EYA2: variants seen among roughly 807,000 people sequenced by gnomAD.
The protein encoded by EYA2 is protein phosphatase EYA2.
A neutral mutation model predicts 69.2 loss-of-function variants in EYA2; 31 were observed. The ratio of observed to expected loss-of-function variants is 0.45; its 90% CI spans 0.34 to 0.60. EYA2 has a LOEUF of 0.60. EYA2 is among the 20% of genes least tolerant of loss of function. The pLI, the probability that EYA2 is intolerant of heterozygous loss-of-function variation, is 0.02. For missense variants in EYA2, 622 were observed against 701.2 expected, an observed-to-expected ratio of 0.89 and a Z score of 1.28; for synonymous variants, 257 against 279.4, an observed-to-expected ratio of 0.92 and a Z score of 0.80.
intron 7 of EYA2, among the ~76,000 whole-genome samples, chr20:47,088,713 A>C (rs2031977311): frequency 6.6e-6 from 1 of 152,112 alleles, no homozygotes; most frequent in South Asian, 2.1e-4. Context: ...CTGCCTCCCG[A>C]GTAGCTGGGA....
At chr20:47,174,290 A>G (rs891399817) in intron 12 of EYA2, among the ~76,000 whole-genome samples, 2 of 152,180 alleles carry the variant, frequency 1.3e-5, no homozygotes, top group Non-Finnish European at 2.9e-5. Context: ...CAGCTCTACA[A>G]CTTTCTAGCT....
At chr20:46,960,292 C>G (rs927942610) in intron 1 of EYA2, among the ~76,000 whole-genome samples, 1 of 152,122 alleles carries the variant, frequency 6.6e-6, no homozygotes, top group Non-Finnish European at 1.5e-5. Context: ...CTTAGAGAGA[C>G]ACTTTACCCA....
intron 7 of EYA2, among the ~76,000 whole-genome samples, chr20:47,079,063 C>T (rs1182139471): frequency 6.6e-6 from 1 of 152,128 alleles, no homozygotes; most frequent in African/African-American, 2.4e-5. Context: ...ACTGTTAGTA[C>T]ATAAATACAT....
chr20:46,947,256 A>C (rs1978517429), intron 1 of EYA2, among the ~76,000 whole-genome samples: 1 of 152,078 alleles, frequency 6.6e-6, no homozygotes, highest in Admixed American at 6.6e-5. Flanking sequence ...CTAGTCTTTC[A>C]AATATTTTAG....
intron 13 of EYA2, 107 bp downstream of exon 13, chr20:47,180,019 A>G: frequency 2.7e-6 from 2 of 732,348 alleles, no homozygotes; most frequent in Non-Finnish European, 4.6e-6. Context: ...TCAAACTCTC[A>G]CTTGTACACT....
At chr20:47,139,162 G>A (rs2033541235) in intron 9 of EYA2, among the ~76,000 whole-genome samples, 1 of 152,158 alleles carries the variant, frequency 6.6e-6, no homozygotes, top group African/African-American at 2.4e-5. Flanking sequence ...TAACAATTCT[G>A]TAATGAACAT....
intron 1 of EYA2, among the ~76,000 whole-genome samples, chr20:46,959,923 T>C (rs1230356641): frequency 6.6e-6 from 1 of 152,122 alleles, no homozygotes; most frequent in African/African-American, 2.4e-5. Context: ...AGCAGAGACA[T>C]GCCGTGGGGG....
At chr20:47,148,306 G>GA (rs572710495) in intron 10 of EYA2, among the ~76,000 whole-genome samples, 97 of 152,218 alleles carry the variant, frequency 6.4e-4, no homozygotes, top group African/African-American at 2.3e-3. Flanking sequence ...GGGCTGTAAG[G>GA]ATGGAGCTAT....
chr20:47,130,469 G>A (rs2033315363), intron 9 of EYA2, among the ~76,000 whole-genome samples: 1 of 151,674 alleles, frequency 6.6e-6, no homozygotes, highest in Non-Finnish European at 1.5e-5. Flanking sequence ...GTTTCACCAT[G>A]TCAGCCAGGA....
At chr20:47,136,755 AAAG>A (rs1568801390) in intron 9 of EYA2, among the ~76,000 whole-genome samples, 2 of 151,890 alleles carry the variant, frequency 1.3e-5, no homozygotes, top group Non-Finnish European at 2.9e-5. Context: ...AAAAAAAAAA[AAAG>A]AACTTCATCA....
At chr20:46,897,067 G>A (rs1352059430) in intron 1 of EYA2, among the ~76,000 whole-genome samples, 1 of 151,998 alleles carries the variant, frequency 6.6e-6, no homozygotes, top group Non-Finnish European at 1.5e-5. Context: ...CATGTCTTTT[G>A]TTTTGCATTA....
intron 1 of EYA2, among the ~76,000 whole-genome samples, chr20:46,987,755 C>T (rs941548409): frequency 4.0e-5 from 6 of 151,600 alleles, no homozygotes; most frequent in Admixed American, 6.6e-5. Context: ...GGCAAAACCC[C>T]GTCTCTACTA....
chr20:47,014,394 G>A (rs984389327), intron 4 of EYA2, among the ~76,000 whole-genome samples: 3 of 152,166 alleles, frequency 2.0e-5, no homozygotes, highest in African/African-American at 4.8e-5. Flanking sequence ...ATTTTAAACA[G>A]CAATGAGATA....
chr20:47,149,893 G>A (rs573962457), intron 10 of EYA2, among the ~76,000 whole-genome samples: 18 of 151,968 alleles, frequency 1.2e-4, no homozygotes, highest in Admixed American at 5.9e-4. Context: ...ATACACACAC[G>A]CAAGATTTGC....
At chr20:46,907,628 CA>C (rs1219363870) in intron 1 of EYA2, among the ~76,000 whole-genome samples, 2 of 152,226 alleles carry the variant, frequency 1.3e-5, no homozygotes, top group Non-Finnish European at 2.9e-5. Flanking sequence ...TGCGTGAAGT[CA>C]GAAGTTCGAG....
chr20:47,021,913 G>T (rs1378951181), intron 5 of EYA2, among the ~76,000 whole-genome samples: 1 of 152,020 alleles, frequency 6.6e-6, no homozygotes, highest in Admixed American at 6.6e-5. Flanking sequence ...AGTAAACTGT[G>T]TGACCTTGGA....
Position 47,183,331 on chromosome 20 carries a change from C to A in EYA2, c.1476C>A (p.Gly492=), listed in dbSNP as rs761086678. The A allele has an allele frequency of 5.6e-6, 9 of 1,613,960 alleles. No individual in the cohort carries two copies. In the South Asian group the frequency reaches 9.9e-5, roughly 18 times the overall value. ...TCGAGAGGATAATGCAGAGATTCGG[C>A]AGAAAAGCTGTCTACGTGGTGATCG... ...SCFERIMQRF[G]RKAVYVVIGD... Residue 492 remains glycine, a synonymous_variant, in exon 15 of 16, where the codon GGC becomes GGA. Transcript: ENST00000327619.
rs78162752 is a variant in EYA2, at chr20:47,013,575, A to G, written c.299-2606A>G. Among the ~76,000 whole-genome samples, 43 of 152,340 alleles carry G rather than the reference A, an allele frequency of 2.8e-4. No homozygotes were observed. The East Asian group carries it at 6.9e-3, about 25-fold the overall frequency. On this transcript the variant is annotated intron_variant, in intron 4 of 15. Coordinates refer to ENST00000327619, the MANE Select transcript of EYA2 (RefSeq NM_005244.5). ...AACTGGAATCAACCTGGAGTTCATCATCAGGGAACTGGCTGAACAAGCAGT... is the reference window on the plus strand; with the variant it reads ...AACTGGAATCAACCTGGAGTTCATCGTCAGGGAACTGGCTGAACAAGCAGT...
intron 1 of EYA2, among the ~76,000 whole-genome samples, chr20:46,895,898 C>CCCGAAG (rs1466353760): frequency 1.3e-5 from 2 of 152,200 alleles, no homozygotes; most frequent in Admixed American, 6.5e-5. Flanking sequence ...TTCCTGCTTC[C>CCCGAAG]CCGAAGCCGA....
Sources: gnomAD v4.1 joint callset for allele counts (sites outside exome capture counted in the v4.1 genomes callset) on GRCh38, gnomAD v4.1.1 for gene constraint, MANE v1.5 for transcripts, NCBI Gene and HGNC (gene_info 2026-07-23, HGNC 2026-07-21) for gene names.